S100PBP: variants seen among roughly 807,000 people sequenced by gnomAD.
S100PBP encodes the protein S100P binding protein.
In S100PBP, 15 loss-of-function variants were observed where a neutral mutation model predicts 39.9. That is an observed-to-expected ratio of 0.38 (90% confidence interval 0.25 to 0.58). S100PBP has a LOEUF of 0.58. S100PBP is among the 20% of genes least tolerant of loss of function. The pLI, the probability that S100PBP is intolerant of heterozygous loss-of-function variation, is 0.70. For missense variants in S100PBP, 504 were observed against 487.3 expected, an observed-to-expected ratio of 1.03 and a Z score of -0.32; for synonymous variants, 178 against 180.3, an observed-to-expected ratio of 0.99 and a Z score of 0.10.
upstream of S100PBP, chr1:32,816,766 T>C (rs551501897): frequency 2.0e-4 from 37 of 188,982 alleles, no homozygotes; most frequent in Admixed American, 1.7e-3. Flanking sequence ...AGCCTTCCCT[T>C]CTCTCTTTCC....
At chr1:32,819,257 A>G (rs1290725971) in intron 1 of S100PBP, among the ~76,000 whole-genome samples, 1 of 152,084 alleles carries the variant, frequency 6.6e-6, no homozygotes, top group Non-Finnish European at 1.5e-5. Context: ...GATCGGAAAA[A>G]TATTCTTCCC....
At chr1:32,853,901 A>G (rs968044307) in intron 6 of S100PBP, among the ~76,000 whole-genome samples, 2 of 152,206 alleles carry the variant, frequency 1.3e-5, no homozygotes, top group Non-Finnish European at 1.5e-5. Context: ...TCAAAAAACA[A>G]ACAGACAAAA....
intron 5 of S100PBP, among the ~76,000 whole-genome samples, chr1:32,833,397 T>C (rs1483827862): frequency 6.6e-6 from 1 of 151,294 alleles, no homozygotes; most frequent in African/African-American, 2.4e-5. Flanking sequence ...AGACAGAGTC[T>C]GCTGCCCAGA....
chr1:32,825,911 AG>A (rs1465886476), intron 2 of S100PBP, among the ~76,000 whole-genome samples, 186 bp from the exon 3 acceptor site: 2 of 152,230 alleles, frequency 1.3e-5, no homozygotes, highest in Non-Finnish European at 2.9e-5. Context: ...GATAGGCAAA[AG>A]TATCTCATTG....
intron 5 of S100PBP, among the ~76,000 whole-genome samples, chr1:32,840,782 GTAA>G (rs1384874742): frequency 6.6e-6 from 1 of 152,168 alleles, no homozygotes; most frequent in Non-Finnish European, 1.5e-5. Flanking sequence ...TTCCTAATGA[GTAA>G]TAATGTTGAG....
At chr1:32,844,825 C>CTA (rs1023150425) in intron 5 of S100PBP, among the ~76,000 whole-genome samples, 34 of 150,060 alleles carry the variant, frequency 2.3e-4, no homozygotes, top group South Asian at 6.3e-4. Context: ...CTCTATATAT[C>CTA]TATATATATA....
chr1:32,849,918 T>C (rs759123592), intron 5 of S100PBP, among the ~76,000 whole-genome samples: 3 of 152,198 alleles, frequency 2.0e-5, no homozygotes, highest in Non-Finnish European at 2.9e-5. Flanking sequence ...AAATACCTTA[T>C]AGGATTGTTG....
Position 32,824,839 on chromosome 1 carries a change from T to C in S100PBP, c.-119-474T>C, listed in dbSNP as rs1639253780. 4.1e-5 allele frequency: 6 copies of C among 147,732 alleles called. No homozygotes were observed. In the South Asian group the frequency reaches 1.0e-3, roughly 26 times the overall value. The allele number at this position is 147,732 out of a possible 1,614,324, so 9.2% of individuals were successfully genotyped here. ...CATTTTTTCTATACATATATATATATATATATAAAGATTTGTGTGTGTGTG... is the reference window on the plus strand; with the variant it reads ...CATTTTTTCTATACATATATATATACATATATAAAGATTTGTGTGTGTGTG... On this transcript the variant is annotated intron_variant, in intron 1 of 6. Coordinates refer to ENST00000373475, the MANE Select transcript of S100PBP (RefSeq NM_022753.4).
chr1:32,818,514 GTATT>G (rs1638872365), intron 1 of S100PBP: 1 of 152,282 alleles, frequency 6.6e-6, no homozygotes, highest in Admixed American at 6.5e-5. Flanking sequence ...GGTGTTTTGT[GTATT>G]TATTAGGGAC....
In S100PBP at chr1:32,826,652, G is replaced by C; in HGVS notation, c.553G>C (p.Gly185Arg). The C allele has an allele frequency of 6.2e-7, 1 of 1,614,166 alleles. No individual in the cohort carries two copies. The highest frequency in any genetic ancestry group is 8.5e-7 in the Non-Finnish European group (1 of 1,180,032). ...SSLGEEMRED[G>R]LSPNESKLCT... ...CCTTGGAGAAGAGATGAGAGAAGATGGTCTTAGCCCAAATGAAAGCAAACT... is the reference window on the plus strand; with the variant it reads ...CCTTGGAGAAGAGATGAGAGAAGATCGTCTTAGCCCAAATGAAAGCAAACT... Residue 185 changes from glycine to arginine, a missense_variant, in exon 3 of 7, where the codon GGT (glycine) becomes CGT (arginine). Transcript: ENST00000373475.
intron 1 of S100PBP, among the ~76,000 whole-genome samples, chr1:32,824,100 A>G (rs1315421336): frequency 6.6e-6 from 1 of 151,984 alleles, no homozygotes; most frequent in Admixed American, 6.6e-5. Flanking sequence ...CGGGAGGCTG[A>G]GGCAGGAGAA....
intron 5 of S100PBP, among the ~76,000 whole-genome samples, chr1:32,852,312 CAAA>C (rs879318953): frequency 7.6e-6 from 1 of 132,072 alleles, no homozygotes; most frequent in African/African-American, 2.8e-5. Context: ...GACTCTGTCT[CAAA>C]AAAAAAAAAA....
At chr1:32,838,333 CAAAA>C (rs770251816) in intron 5 of S100PBP, among the ~76,000 whole-genome samples, 7 of 67,874 alleles carry the variant, frequency 1.0e-4, no homozygotes, top group African/African-American at 3.7e-4. Flanking sequence ...GACTCTGTCT[CAAAA>C]AAAAAAAAAA....
chr1:32,837,222 CTGTTA>C (rs1333350678), intron 5 of S100PBP: 2 of 147,270 alleles, frequency 1.4e-5, no homozygotes, highest in Non-Finnish European at 3.0e-5. Context: ...AGTCTGAAGT[CTGTTA>C]TAAGTTTAAC....
chr1:32,834,058 C>T (rs1279877710), intron 5 of S100PBP: 2 of 336,116 alleles, frequency 6.0e-6, no homozygotes, highest in East Asian at 1.1e-4. Context: ...AGTGGAATTG[C>T]TGGGTAAAGT....
In S100PBP at chr1:32,858,134, G is replaced by C. The variant is rs905245117; in HGVS notation, c.*2096G>C. ...TAGCTAGCATTGCAGCTACAGTAGG[G>C]AACTGTAGTCTAGTTCCCTACAGAA... On this transcript the variant is annotated 3_prime_UTR_variant, in exon 7 of 7. Coordinates refer to ENST00000373475, the MANE Select transcript of S100PBP (RefSeq NM_022753.4). 6.6e-6 allele frequency: 1 copy of C among 152,580 alleles called. No homozygotes were observed. The highest frequency in any genetic ancestry group is 1.5e-5 in the Non-Finnish European group (1 of 68,034). The allele number at this position is 152,580 out of a possible 1,614,324, so 9.5% of individuals were successfully genotyped here. A position where few individuals can be genotyped will look rare whatever the true frequency, so the allele number is the denominator to read the frequency against.
At chr1:32,839,399 G>C (rs932024057) in intron 5 of S100PBP, among the ~76,000 whole-genome samples, 1 of 152,180 alleles carries the variant, frequency 6.6e-6, no homozygotes, top group African/African-American at 2.4e-5. Context: ...CACTTGGTTT[G>C]CTTCCACCTT....
At chr1:32,817,268 C>T (rs1440177141), upstream of S100PBP, 1 of 1,613,686 alleles carries the variant, frequency 6.2e-7, no homozygotes, top group Admixed American at 1.7e-5. Flanking sequence ...CTGCTTCCCC[C>T]GCTCAGCCCG....
chr1:32,821,513 G>C (rs996852782), intron 1 of S100PBP, among the ~76,000 whole-genome samples: 7 of 151,894 alleles, frequency 4.6e-5, no homozygotes, highest in Admixed American at 1.3e-4. Context: ...GTAGAGTTGG[G>C]GTTTCACCAG....
Sources: gnomAD v4.1 joint callset for allele counts (sites outside exome capture counted in the v4.1 genomes callset) on GRCh38, gnomAD v4.1.1 for gene constraint, MANE v1.5 for transcripts, NCBI Gene and HGNC (gene_info 2026-07-23, HGNC 2026-07-21) for gene names.